Variants in FSIP1 observed in about 807,000 individuals in gnomAD.
FSIP1 encodes fibrous sheath-interacting protein 1.
A neutral mutation model predicts 60.9 loss-of-function variants in FSIP1; 65 were observed. That is an observed-to-expected ratio of 1.07 (90% confidence interval 0.87 to 1.31). The LOEUF is 1.31. Ranked by LOEUF, FSIP1 falls within the 40% of genes most tolerant of loss-of-function variation. The pLI, the probability that FSIP1 is intolerant of heterozygous loss-of-function variation, is 0.00. For missense variants in FSIP1, 675 were observed against 665.5 expected (o/e 1.01, Z -0.16); for synonymous variants, 209 against 221.2 (o/e 0.94, Z 0.49).
At chr15:39,751,907 A>G (rs969404827) in intron 5 of FSIP1, among the ~76,000 whole-genome samples, 2 of 151,968 alleles carry the variant, frequency 1.3e-5, no homozygotes, top group Non-Finnish European at 2.9e-5. Context: ...TTTACCATAT[A>G]TATTTATAGA....
chr15:39,749,262 C>CAAAAAAAAAAAAAAAAAAA, intron 5 of FSIP1, among the ~76,000 whole-genome samples: 8 of 33,302 alleles, frequency 2.4e-4, no homozygotes, highest in Admixed American at 5.0e-4. Flanking sequence ...TTAAACTCTT[C>CAAAAAAAAAAAAAAAAAAA]CAAAAAAAAA....
chr15:39,767,042 G>T (rs1055101558), intron 3 of FSIP1, among the ~76,000 whole-genome samples: 1 of 152,050 alleles, frequency 6.6e-6, no homozygotes, highest in Middle Eastern at 3.2e-3. Flanking sequence ...AGAGATGGGG[G>T]TCTCACTATG....
chr15:39,613,496 A>G (rs1306313899), intron 11 of FSIP1, among the ~76,000 whole-genome samples: 1 of 152,212 alleles, frequency 6.6e-6, no homozygotes, highest in Non-Finnish European at 1.5e-5. Flanking sequence ...CCAGGGCCAG[A>G]TGGCTTTACT....
chr15:39,744,041 T>C (rs1448355042), intron 5 of FSIP1, among the ~76,000 whole-genome samples: 2 of 152,200 alleles, frequency 1.3e-5, no homozygotes, highest in African/African-American at 2.4e-5. Context: ...AGCCTATAGA[T>C]AATTGCAAAA....
chr15:39,700,926 C>G (rs1838072733), intron 10 of FSIP1, among the ~76,000 whole-genome samples: 2 of 152,108 alleles, frequency 1.3e-5, no homozygotes, highest in Admixed American at 1.3e-4. Context: ...CCGAGACAGG[C>G]AGACTGCTTG....
chr15:39,723,807 G>T (rs1896080020), intron 9 of FSIP1, among the ~76,000 whole-genome samples: 1 of 152,172 alleles, frequency 6.6e-6, no homozygotes, highest in Admixed American at 6.5e-5. Flanking sequence ...GATACACAGG[G>T]TTTATTCAAG....
At chr15:39,629,641 C>T (rs1300250934) in intron 10 of FSIP1, among the ~76,000 whole-genome samples, 2 of 152,204 alleles carry the variant, frequency 1.3e-5, no homozygotes, top group African/African-American at 4.8e-5. Context: ...ACATCAAATC[C>T]TGAGGTGTGC....
intron 9 of FSIP1, among the ~76,000 whole-genome samples, chr15:39,725,636 T>C (rs531083195): frequency 6.6e-6 from 1 of 152,316 alleles, no homozygotes; most frequent in South Asian, 2.1e-4. Context: ...GTGAAAAGTT[T>C]TACAAAGCTG....
intron 10 of FSIP1, among the ~76,000 whole-genome samples, chr15:39,701,401 C>T (rs945497770): frequency 2.6e-5 from 4 of 152,128 alleles, no homozygotes; most frequent in African/African-American, 7.2e-5. Flanking sequence ...TCTTTTTCTT[C>T]CTTCTGCCCC....
At chr15:39,696,909 T>C (rs1894840889) in intron 10 of FSIP1, among the ~76,000 whole-genome samples, 1 of 50,260 alleles carries the variant, frequency 2.0e-5, no homozygotes, top group Non-Finnish European at 6.7e-5. Flanking sequence ...TGTGTGTGTG[T>C]GTGTGTGTGT....
intron 10 of FSIP1, among the ~76,000 whole-genome samples, chr15:39,645,192 T>C (rs1892541405): frequency 6.6e-6 from 1 of 152,220 alleles, no homozygotes; most frequent in Non-Finnish European, 1.5e-5. Context: ...AGTGGAAATG[T>C]AGATTGGTAC....
At chr15:39,601,260 T>C (rs1339749215) in intron 11 of FSIP1, among the ~76,000 whole-genome samples, 5 of 152,192 alleles carry the variant, frequency 3.3e-5, no homozygotes, top group Non-Finnish European at 7.4e-5. Flanking sequence ...CAAAAGTAAA[T>C]GTTATATGTA....
chr15:39,609,686 C>T (rs1264296345), intron 11 of FSIP1, among the ~76,000 whole-genome samples: 3 of 152,228 alleles, frequency 2.0e-5, no homozygotes, highest in African/African-American at 7.2e-5. Context: ...CTGAGCCCAG[C>T]ACACAGACCT....
intron 3 of FSIP1, among the ~76,000 whole-genome samples, chr15:39,767,871 C>A (rs961968233): frequency 2.0e-5 from 3 of 152,204 alleles, no homozygotes; most frequent in Admixed American, 1.3e-4. Flanking sequence ...ACTCATCCTC[C>A]AAGCCAACAT....
chr15:39,717,666 T>C (rs747054381), intron 9 of FSIP1, among the ~76,000 whole-genome samples: 1 of 152,138 alleles, frequency 6.6e-6, no homozygotes, highest in African/African-American at 2.4e-5. Context: ...AAGCTGACTG[T>C]CTTAAAATCC....
Position 39,739,760 on chromosome 15 carries a change from A to T in FSIP1, c.685T>A (p.Ser229Thr). The T allele has an allele frequency of 6.3e-7, 1 of 1,582,250 alleles. No individual in the cohort carries two copies. The highest frequency in any genetic ancestry group is 1.2e-5 in the South Asian group (1 of 84,358). Residue 229 changes from serine (S) to threonine (T), a missense_variant, in exon 7 of 12, where the codon TCA (serine) becomes ACA (threonine). Physicochemically the swap from Ser to Thr is moderately conservative, Grantham distance 58. Transcript: ENST00000350221. ...DFTCDVERNESLIKSGKKPFS... is the reference protein window; with the variant it reads ...DFTCDVERNETLIKSGKKPFS... ...GGTTTCTTTCCTGATTTGATCAATG[A>T]CTCATTTCTTTCCACATCACAGGTA...
At chr15:39,629,226 G>T (rs1045895554) in intron 10 of FSIP1, among the ~76,000 whole-genome samples, 2 of 152,140 alleles carry the variant, frequency 1.3e-5, no homozygotes, top group African/African-American at 4.8e-5. Context: ...TGCTACAGAG[G>T]CCATGAGATG....
chr15:39,748,220 T>C (rs987942030), intron 5 of FSIP1, among the ~76,000 whole-genome samples: 1 of 152,194 alleles, frequency 6.6e-6, no homozygotes, highest in African/African-American at 2.4e-5. Flanking sequence ...ATTGAAGGAT[T>C]CCAATCAGTT....
chr15:39,658,051 CATAAA>C (rs1893140595), intron 10 of FSIP1, among the ~76,000 whole-genome samples: 1 of 152,108 alleles, frequency 6.6e-6, no homozygotes, highest in African/African-American at 2.4e-5. Context: ...GTACTTTTAA[CATAAA>C]ATAAAATGGG....
Sources: gnomAD v4.1 joint callset for allele counts (sites outside exome capture counted in the v4.1 genomes callset) on GRCh38, gnomAD v4.1.1 for gene constraint, MANE v1.5 for transcripts, NCBI Gene and HGNC (gene_info 2026-07-23, HGNC 2026-07-21) for gene names.